Variants in COG6 observed in about 807,000 individuals in gnomAD.
COG6 encodes conserved oligomeric Golgi complex subunit 6.
In COG6, 74 loss-of-function variants were observed where a neutral mutation model predicts 88.8. That is an observed-to-expected ratio of 0.83 (90% CI 0.69 to 1.01). COG6 has a LOEUF of 1.01. COG6 is among the 50% of genes least tolerant of loss of function. COG6 has a pLI of 0.00. For missense variants in COG6, 800 were observed against 797.9 expected (o/e 1.00, Z -0.03); for synonymous variants, 286 against 278.7 (o/e 1.03, Z -0.26).
chr13:39,787,550 T>G (rs191162808), intron 18 of COG6, among the ~76,000 whole-genome samples: 2 of 152,338 alleles, frequency 1.3e-5, no homozygotes, highest in African/African-American at 4.8e-5. Flanking sequence ...CTGAGTCCTA[T>G]GTGTTTGCTG....
intron 18 of COG6, among the ~76,000 whole-genome samples, chr13:39,732,482 A>G (rs577239032): frequency 1.3e-5 from 2 of 152,380 alleles, no homozygotes; most frequent in South Asian, 4.1e-4. Flanking sequence ...AGTTTACAGA[A>G]TTAACAGATA....
At chr13:39,762,673 A>G (rs1171715145) in intron 18 of COG6, among the ~76,000 whole-genome samples, 1 of 151,652 alleles carries the variant, frequency 6.6e-6, no homozygotes, top group Non-Finnish European at 1.5e-5. Context: ...TATGTTGATT[A>G]TAATAGATCG....
rs574873534 is a variant in COG6 at position 39,694,721 on chromosome 13, A to G, written c.1162A>G (p.Ile388Val). 27 of 1,531,160 alleles carry G rather than the reference A, an allele frequency of 1.8e-5. No individual in the cohort carries two copies. In the South Asian group the frequency reaches 2.3e-4, roughly 13 times the overall value. 94.8% of individuals were successfully genotyped at this position (1,531,160 alleles called of 1,614,324 possible). A position where few individuals can be genotyped will look rare whatever the true frequency, so the allele number is the denominator to read the frequency against. The change falls in exon 12 of 19, where the codon ATC becomes GTC. Residue 388 changes from isoleucine to valine, a missense_variant. By Grantham distance (29) the Ile-to-Val change is conservative. Coordinates refer to ENST00000455146, the MANE Select transcript of COG6 (RefSeq NM_020751.3). ...TCTCCTCAAATTTTATCACCATACA[A>G]TCAGGTAAGTAGAATGGCAAAATGT... ...SNLLKFYHHT[I>V]SGIVGNSATA...
intron 18 of COG6, among the ~76,000 whole-genome samples, chr13:39,786,928 G>C (rs1403618484): frequency 1.3e-5 from 2 of 152,130 alleles, no homozygotes; most frequent in Non-Finnish European, 1.5e-5. Flanking sequence ...AGAAAGATTT[G>C]CATCTGAAAT....
chr13:39,740,505 A>G (rs1349298200), intron 18 of COG6, among the ~76,000 whole-genome samples: 1 of 152,204 alleles, frequency 6.6e-6, no homozygotes, highest in African/African-American at 2.4e-5. Context: ...ATTTGTAAGA[A>G]GTAGAGCCAT....
intron 17 of COG6, among the ~76,000 whole-genome samples, 185 bp downstream of exon 17, chr13:39,724,746 C>T (rs1340521603): frequency 1.3e-5 from 2 of 151,804 alleles, no homozygotes; most frequent in African/African-American, 4.8e-5. Flanking sequence ...CCAAGTCTTA[C>T]ATTCATAGTA....
chr13:39,660,854 T>C lies in COG6; in HGVS notation c.342T>C (p.Cys114=), dbSNP rs772055592. 2 of 1,610,532 alleles carry C rather than the reference T, an allele frequency of 1.2e-6. No homozygotes were observed. The highest frequency in any genetic ancestry group is 1.7e-6 in the Non-Finnish European group (2 of 1,177,360). Residue 114 remains cysteine, a synonymous_variant, in exon 3 of 19, where the codon TGT becomes TGC. Coordinates refer to ENST00000455146, the MANE Select transcript of COG6 (RefSeq NM_020751.3). ...AAGATGTTCAAGCAATGAGCAACTGTTGTCAAGATATGACAAGTCGCCTAC... is the reference window on the plus strand; with the variant it reads ...AAGATGTTCAAGCAATGAGCAACTGCTGTCAAGATATGACAAGTCGCCTAC... ...ISEDVQAMSN[C]CQDMTSRLQA... is the part of the protein sequence containing the mutation.
At chr13:39,776,208 C>T (rs189677863) in intron 18 of COG6, among the ~76,000 whole-genome samples, 263 of 152,118 alleles carry the variant, frequency 1.7e-3, no homozygotes, top group African/African-American at 5.9e-3. Context: ...TTTCTAGGAA[C>T]TCTGAGGTGA....
rs186607379 is a variant in COG6 at position 39,719,444 on chromosome 13, A to T, written c.1416+77A>T. ...CTGTGTTTCAATTCTGGAATTTTGT[A>T]ATTCATATACTTTGACAGTCTCTTT... On this transcript the variant is annotated intron_variant, in intron 14 of 18. Transcript: ENST00000455146. The T allele has an allele frequency of 5.0e-5, 71 of 1,417,386 alleles. No individual in the cohort carries two copies. The Admixed American group carries it at 1.3e-3, about 26-fold the overall frequency. 87.8% of individuals were successfully genotyped at this position (1,417,386 alleles called of 1,614,324 possible).
intron 18 of COG6, among the ~76,000 whole-genome samples, chr13:39,759,833 A>G (rs9548927): frequency 0.49 from 75,109 of 151,936 alleles, 19,097 homozygotes; most frequent in South Asian, 0.69. Context: ...GTAAAAATAA[A>G]TGGTACTAAG....
intron 18 of COG6, among the ~76,000 whole-genome samples, chr13:39,728,899 G>A (rs1461694839): frequency 6.6e-6 from 1 of 152,004 alleles, no homozygotes; most frequent in Non-Finnish European, 1.5e-5. Flanking sequence ...TCCTGACCTC[G>A]TGATCCACCT....
chr13:39,714,407 G>A (rs1399733050), intron 13 of COG6, among the ~76,000 whole-genome samples: 2 of 151,008 alleles, frequency 1.3e-5, no homozygotes, highest in Non-Finnish European at 3.0e-5. Context: ...AGAATAGAAG[G>A]AACACAAACA....
chr13:39,694,346 T>C lies in COG6; in HGVS notation c.1075-288T>C, dbSNP rs1877138884. Among the ~76,000 whole-genome samples the C allele has an allele frequency of 2.0e-5, 3 of 151,974 alleles. No individual in the cohort carries two copies. The South Asian group carries it at 6.2e-4, about 31-fold the overall frequency. On this transcript the variant is annotated intron_variant, in intron 11 of 18. Coordinates refer to ENST00000455146, the MANE Select transcript of COG6 (RefSeq NM_020751.3). ...TATTGAACCAAATTCCATTATATACTGGTGATAAATCTCAAATGATCTCAA... is the reference window on the plus strand; with the variant it reads ...TATTGAACCAAATTCCATTATATACCGGTGATAAATCTCAAATGATCTCAA...
intron 1 of COG6, among the ~76,000 whole-genome samples, chr13:39,657,257 C>G (rs994819689): frequency 6.6e-6 from 1 of 152,250 alleles, no homozygotes; most frequent in Non-Finnish European, 1.5e-5. Context: ...TCTTGAACTC[C>G]TGACCTCAGG....
intron 18 of COG6, among the ~76,000 whole-genome samples, chr13:39,773,694 G>A (rs1190491202): frequency 1.3e-5 from 2 of 152,044 alleles, no homozygotes; most frequent in African/African-American, 4.8e-5. Flanking sequence ...TGAGGAAATA[G>A]GTTAATTATT....
chr13:39,772,090 C>G lies in COG6; in HGVS notation c.1827-16245C>G, dbSNP rs553963749. On this transcript the variant is annotated intron_variant, in intron 18 of 18. Coordinates refer to the COG6 transcript ENST00000416691. ...GGTCCAGTTCTGGTGCTGGTCCTCA[C>G]AGCAAGCTTGGTGTGATTAGAACCC... Among the ~76,000 whole-genome samples, 30 of 152,362 alleles carry G rather than the reference C, an allele frequency of 2.0e-4. No individual in the cohort carries two copies. The South Asian group carries it at 3.5e-3, about 18-fold the overall frequency.
At chr13:39,784,420 C>T (rs1881715250) in intron 18 of COG6, among the ~76,000 whole-genome samples, 1 of 152,180 alleles carries the variant, frequency 6.6e-6, no homozygotes, top group Non-Finnish European at 1.5e-5. Flanking sequence ...CAGATCCGTC[C>T]AACTAGTATT....
At chr13:39,656,258 A>T (rs1490203645) in intron 1 of COG6, 2 of 465,016 alleles carry the variant, frequency 4.3e-6, no homozygotes, top group African/African-American at 4.0e-5. Flanking sequence ...GATGCAAAAG[A>T]GCAGATTCCA....
intron 11 of COG6, among the ~76,000 whole-genome samples, chr13:39,690,151 A>C (rs1249165762): frequency 6.6e-6 from 1 of 152,034 alleles, no homozygotes; most frequent in African/African-American, 2.4e-5. Flanking sequence ...GAGATTTACT[A>C]AGAATATTTT....
Sources: allele counts gnomAD v4.1 joint callset (sites outside exome capture counted in the v4.1 genomes callset), GRCh38; gene constraint gnomAD v4.1.1; transcripts MANE v1.5; gene names NCBI Gene and HGNC (gene_info 2026-07-23, HGNC 2026-07-21).